RAB37: variants seen among roughly 807,000 people sequenced by gnomAD.
The protein encoded by RAB37 is ras-related protein Rab-37.
A neutral mutation model predicts 33.1 loss-of-function variants in RAB37; 29 were observed. The observed-to-expected ratio is 0.88, with a 90% CI of 0.65 to 1.20. The LOEUF (loss-of-function observed/expected upper bound fraction) is 1.20. Ranked by LOEUF, RAB37 falls within the 50% of genes most tolerant of loss-of-function variation. The pLI is 0.00. For missense variants in RAB37, 299 were observed against 301.1 expected, an observed-to-expected ratio of 0.99 and a Z score of 0.05; for synonymous variants, 128 against 119.5, an observed-to-expected ratio of 1.07 and a Z score of -0.47.
At position 74,742,355 on chromosome 17, in the gene RAB37, C is replaced by G; in HGVS notation, c.246+60C>G. ...GGAGGACCTGCCCTTCCTTCTCACC[C>G]TGAACCACAGGAGGCCTGCAGCCCT... On this transcript the variant is annotated intron_variant, in intron 3 of 8. Coordinates refer to ENST00000392613, the MANE Select transcript of RAB37 (RefSeq NM_001006638.3). This position sits in a 1 kb window ranked among gnomAD's most constrained non-coding sequence, Gnocchi z 4.0. The G allele has an allele frequency of 7.1e-7, 1 of 1,416,570 alleles. No individual in the cohort carries two copies. Among genetic ancestry groups the G allele is most frequent in the Non-Finnish European group, 9.9e-7 (1 of 1,013,514 alleles). 87.8% of individuals were successfully genotyped at this position (1,416,570 alleles called of 1,614,324 possible).
chr17:74,721,088 G>A (rs151115665), intron 1 of RAB37, among the ~76,000 whole-genome samples: 68 of 152,264 alleles, frequency 4.5e-4, no homozygotes, highest in East Asian at 1.3e-3. Flanking sequence ...CACTCTGCTC[G>A]TCTGCCAAGA....
chr17:74,703,318 T>C (rs1203263904), intron 1 of RAB37, among the ~76,000 whole-genome samples: 1 of 152,014 alleles, frequency 6.6e-6, no homozygotes, highest in South Asian at 2.1e-4. Flanking sequence ...CAGAGCCTCA[T>C]AGGCAGGTGG....
Position 74,743,297 on chromosome 17 carries a change from T to C in RAB37, c.323T>C (p.Leu108Pro), listed in dbSNP as rs761638080. 1.2e-6 allele frequency: 2 copies of C among 1,614,166 alleles called. No homozygotes were observed. The highest frequency in any genetic ancestry group is 1.7e-6 in the Non-Finnish European group (2 of 1,180,022). The change falls in exon 5 of 9, where the codon CTG becomes CCG. Residue 108 changes from leucine (L) to proline (P), a missense_variant. Coordinates refer to ENST00000392613, the MANE Select transcript of RAB37 (RefSeq NM_001006638.3). Reference sequence around the variant, plus strand: ...ATCCTCTCCCCTCCAGCCTTGCTTCTGCTGTATGACATCACCAACAAATCT... The same window carrying C: ...ATCCTCTCCCCTCCAGCCTTGCTTCCGCTGTATGACATCACCAACAAATCT... ...AYYRDAQALL[L>P]LYDITNKSSF...
At chr17:74,722,865 TG>T (rs2034259905) in intron 1 of RAB37, among the ~76,000 whole-genome samples, 3 of 152,222 alleles carry the variant, frequency 2.0e-5, no homozygotes, top group Non-Finnish European at 4.4e-5. Context: ...CTGAATTTCC[TG>T]TCTTGTTAAG....
chr17:74,686,292 C>T (rs558125902), intron 1 of RAB37, among the ~76,000 whole-genome samples: 2 of 152,206 alleles, frequency 1.3e-5, no homozygotes, highest in Admixed American at 6.5e-5. Flanking sequence ...GGGGTTTCAC[C>T]ATGTTGGCCA....
chr17:74,728,145 T>TGTTTCTGTGCAC (rs1491375768), intron 1 of RAB37, among the ~76,000 whole-genome samples: 1 of 152,002 alleles, frequency 6.6e-6, no homozygotes, highest in Non-Finnish European at 1.5e-5. Flanking sequence ...TCTGTGTGCA[T>TGTTTCTGTGCAC]GTGTTTGTGT....
At position 74,693,349 on chromosome 17, in the gene RAB37, G is replaced by A. The variant is rs563627671; in HGVS notation, c.72+21691G>A. On this transcript the variant is annotated intron_variant, in intron 1 of 7. Transcript: ENST00000340415. ...AGAGGGAGGGTGGATGGAGTTGGGG[G>A]TGAAGGGGCAGCCAGCAGCCCATGG... is the stretch of plus-strand genomic sequence containing the variant. Among the ~76,000 whole-genome samples the A allele has an allele frequency of 5.9e-5, 9 of 152,334 alleles. No individual in the cohort carries two copies. In the South Asian group the frequency reaches 1.9e-3, roughly 32 times the overall value.
intron 1 of RAB37, among the ~76,000 whole-genome samples, chr17:74,737,689 C>T (rs549605126): frequency 5.9e-5 from 9 of 152,174 alleles, no homozygotes; most frequent in Non-Finnish European, 1.3e-4. Context: ...TCTCGGGGCT[C>T]AGGCTGGGAA....
chr17:74,745,245 C>T lies in RAB37; in HGVS notation c.567-61C>T, dbSNP rs374719761. 3.9e-6 allele frequency: 6 copies of T among 1,544,840 alleles called. No individual in the cohort carries two copies. Among genetic ancestry groups the T allele is most frequent in the East Asian group, 2.2e-5 (1 of 44,574 alleles). On this transcript the variant is annotated intron_variant, in intron 8 of 8. Transcript: ENST00000392613. The surrounding 1 kb of genome is among the most constrained non-coding windows in gnomAD (Gnocchi z 4.5). The stretch of plus-strand genomic sequence containing the variant: ...TGGGCCACTGGGAGAGGGGAGGGGG[C>T]GGCTCAGCTCCTCACCCCAGCCCAG...
intron 1 of RAB37, among the ~76,000 whole-genome samples, chr17:74,722,336 A>G (rs1294825418): frequency 6.6e-6 from 1 of 151,982 alleles, no homozygotes; most frequent in Admixed American, 6.6e-5. Flanking sequence ...ATTGGCTTAC[A>G]TGACTGGGGG....
At position 74,744,456 on chromosome 17, in the gene RAB37, C is replaced by A; in HGVS notation, c.432+83C>A. 7.6e-7 allele frequency: 1 copy of A among 1,312,790 alleles called. No homozygotes were observed. Among genetic ancestry groups the A allele is most frequent in the Non-Finnish European group, 1.1e-6 (1 of 908,288 alleles). 81.3% of individuals were successfully genotyped at this position (1,312,790 alleles called of 1,614,324 possible). On this transcript the variant is annotated intron_variant, in intron 6 of 8. Coordinates refer to ENST00000392613, the MANE Select transcript of RAB37 (RefSeq NM_001006638.3). This position sits in a 1 kb window ranked among gnomAD's most constrained non-coding sequence, Gnocchi z 4.2. ...CCCATAACCACCCAAGAACAGTTAT[C>A]TAGGCATCCTTCCTGAAAAGGACTC...
chr17:74,738,996 A>C lies in RAB37; in HGVS notation c.93+1631A>C, dbSNP rs2034545799. Among the ~76,000 whole-genome samples the C allele has an allele frequency of 6.6e-6, 1 of 152,196 alleles. No homozygotes were observed. The highest frequency in any genetic ancestry group is 1.5e-5 in the Non-Finnish European group (1 of 68,024). ...TGGAAACCATGCCACAGAAAGGTTA[A>C]GGAATCTTCCTAAAGTCACACAGTA... is the stretch of plus-strand genomic sequence containing the variant. On this transcript the variant is annotated intron_variant, in intron 1 of 8. Coordinates refer to ENST00000392613, the MANE Select transcript of RAB37 (RefSeq NM_001006638.3). The surrounding 1 kb of genome is among the most constrained non-coding windows in gnomAD (Gnocchi z 5.0).
At chr17:74,684,648 C>T (rs911939858) in intron 1 of RAB37, among the ~76,000 whole-genome samples, 2 of 151,776 alleles carry the variant, frequency 1.3e-5, no homozygotes, top group African/African-American at 4.8e-5. Flanking sequence ...AAGTTAGTCG[C>T]GCATGGTGGC....
intron 1 of RAB37, chr17:74,695,913 T>C (rs1598202967): frequency 6.3e-7 from 1 of 1,580,482 alleles, no homozygotes; most frequent in African/African-American, 1.3e-5. Flanking sequence ...TGGACACAGG[T>C]TCCTTTTCCA....
chr17:74,699,139 G>T (rs2032797241), intron 1 of RAB37, among the ~76,000 whole-genome samples: 1 of 152,064 alleles, frequency 6.6e-6, no homozygotes, highest in African/African-American at 2.4e-5. Context: ...GGCTGGTCTC[G>T]AACTCCTAAC....
chr17:74,698,129 GAGAGA>G, intron 1 of RAB37, among the ~76,000 whole-genome samples: 1 of 152,358 alleles, frequency 6.6e-6, no homozygotes, highest in African/African-American at 2.4e-5. Context: ...AGGTGGATCA[GAGAGA>G]AGAGAAGGGG....
At chr17:74,703,841 G>A (rs1294519199) in intron 1 of RAB37, among the ~76,000 whole-genome samples, 2 of 152,184 alleles carry the variant, frequency 1.3e-5, no homozygotes, top group Non-Finnish European at 2.9e-5. Context: ...CGAGGCACTG[G>A]GACCCCTGAG....
At chr17:74,712,638 A>G (rs908354361) in intron 1 of RAB37, among the ~76,000 whole-genome samples, 1 of 152,196 alleles carries the variant, frequency 6.6e-6, no homozygotes, top group Non-Finnish European at 1.5e-5. Flanking sequence ...TGGCTTCATT[A>G]TGAAGGTCAT....
In RAB37 at chr17:74,676,467, T is replaced by C. The variant is rs1337983119; in HGVS notation, c.72+4809T>C. The stretch of plus-strand genomic sequence containing the variant: ...TTTCCTCCGACTGCTCTAACACCTC[T>C]TCTGGGTGAAAGGAAAAGGCAAGCA... On this transcript the variant is annotated intron_variant, in intron 1 of 7. Transcript: ENST00000340415. The surrounding 1 kb of genome is among the most constrained non-coding windows in gnomAD (Gnocchi z 4.1). 1.3e-5 allele frequency among the ~76,000 whole-genome samples: 2 copies of C among 152,198 alleles called. No homozygotes were observed. The highest frequency in any genetic ancestry group is 2.9e-5 in the Non-Finnish European group (2 of 68,036).
Sources: gnomAD v4.1 joint callset for allele counts (sites outside exome capture counted in the v4.1 genomes callset) on GRCh38, gnomAD v4.1.1 for gene constraint, Gnocchi (gnomAD v3.1) non-coding constraint, MANE v1.5 for transcripts, NCBI Gene and HGNC (gene_info 2026-07-23, HGNC 2026-07-21) for gene names.